GABRB3: variants seen among roughly 807,000 people sequenced by gnomAD.
The protein encoded by GABRB3 is gamma-aminobutyric acid type A receptor subunit beta3.
A neutral mutation model predicts 52.1 loss-of-function variants in GABRB3; 14 were observed. The observed-to-expected ratio is 0.27, with a 90% CI of 0.18 to 0.42. The LOEUF (loss-of-function observed/expected upper bound fraction) is 0.42. GABRB3 is among the 10% of genes least tolerant of loss of function. The pLI is 1.00. For missense variants in GABRB3, 307 were observed against 609.1 expected (o/e 0.50, Z 5.22); for synonymous variants, 260 against 232.3 (o/e 1.12, Z -1.08).
At chr15:26,723,662 C>A (rs527705343) in intron 3 of GABRB3, among the ~76,000 whole-genome samples, 40 of 152,234 alleles carry the variant, frequency 2.6e-4, no homozygotes, top group African/African-American at 9.6e-4. Context: ...TGACTCTGTC[C>A]GTTGGAAACC....
In GABRB3 at chr15:26,766,826, G is replaced by GA. The variant is rs1394990098; in HGVS notation, c.240+5575dup. Among the ~76,000 whole-genome samples, 7 of 152,080 alleles carry GA rather than the reference G, an allele frequency of 4.6e-5. 1 individual carries two copies. The South Asian group carries it at 1.3e-3, about 27-fold the overall frequency. On this transcript the variant is annotated intron_variant, in intron 3 of 8. Coordinates refer to ENST00000311550, the MANE Select transcript of GABRB3 (RefSeq NM_000814.6). ...AAAGACAACATACCATAAGATCCTAGAGCCCAGCACGGGCTCAAGCAAGAG... is the reference window on the plus strand; with the variant it reads ...AAAGACAACATACCATAAGATCCTAGAAGCCCAGCACGGGCTCAAGCAAGAG...
intron 3 of GABRB3, among the ~76,000 whole-genome samples, chr15:26,672,237 C>T (rs1190123091): frequency 6.6e-6 from 1 of 152,088 alleles, no homozygotes; most frequent in Non-Finnish European, 1.5e-5. Flanking sequence ...CTCATTTTTG[C>T]CCAGAAAAGG....
intron 4 of GABRB3, chr15:26,615,968 C>A: frequency 7.8e-7 from 1 of 1,289,136 alleles, no homozygotes; most frequent in South Asian, 1.2e-5. Context: ...ACAGCAGGAA[C>A]AACCCCAGCT....
At chr15:26,661,996 A>T (rs1887567550) in intron 3 of GABRB3, among the ~76,000 whole-genome samples, 1 of 152,216 alleles carries the variant, frequency 6.6e-6, no homozygotes, top group African/African-American at 2.4e-5. Context: ...CAGCCGAGAT[A>T]GTCAAATTAA....
chr15:26,593,462 A>G (rs1299266000), intron 4 of GABRB3, among the ~76,000 whole-genome samples: 3 of 152,156 alleles, frequency 2.0e-5, no homozygotes, highest in African/African-American at 7.2e-5. Flanking sequence ...TTAAACAATA[A>G]CATCGATTAC....
At chr15:26,639,158 T>C (rs1893132647) in intron 3 of GABRB3, among the ~76,000 whole-genome samples, 1 of 152,106 alleles carries the variant, frequency 6.6e-6, no homozygotes, top group Admixed American at 6.6e-5. Flanking sequence ...AGGACCTGCC[T>C]TCATCCAGGA....
intron 3 of GABRB3, among the ~76,000 whole-genome samples, chr15:26,667,674 C>CA (rs981738997): frequency 1.7e-4 from 26 of 152,338 alleles, no homozygotes; most frequent in Non-Finnish European, 3.2e-4. Context: ...CTCAGGCACT[C>CA]ATTCCCAGAG....
chr15:26,564,789 A>G (rs950244593), intron 7 of GABRB3, among the ~76,000 whole-genome samples: 4 of 152,334 alleles, frequency 2.6e-5, no homozygotes, highest in Non-Finnish European at 2.9e-5. Flanking sequence ...CCTCAATAAT[A>G]AGAGTTCATA....
intron 3 of GABRB3, among the ~76,000 whole-genome samples, chr15:26,639,137 G>C (rs1000349901): frequency 2.0e-5 from 3 of 152,086 alleles, no homozygotes; most frequent in African/African-American, 7.2e-5. Context: ...TCTGAGGATG[G>C]CCTCAGCATG....
At chr15:26,578,278 A>G (rs190652215) in intron 6 of GABRB3, among the ~76,000 whole-genome samples, 479 of 152,364 alleles carry the variant, frequency 3.1e-3, no homozygotes, top group Non-Finnish European at 5.2e-3. Context: ...GAATAACTTT[A>G]AAGTGCAAGC....
chr15:26,577,423 G>C (rs1177194391), intron 6 of GABRB3, among the ~76,000 whole-genome samples: 2 of 152,118 alleles, frequency 1.3e-5, no homozygotes, highest in East Asian at 1.9e-4. Context: ...TGAGGCAGGA[G>C]AATCGCTTGA....
chr15:26,679,698 TC>T (rs1055071245), intron 3 of GABRB3, among the ~76,000 whole-genome samples: 3 of 151,850 alleles, frequency 2.0e-5, no homozygotes, highest in Admixed American at 1.3e-4. Flanking sequence ...TCTCACTGCT[TC>T]CAGAAAGCTT....
At chr15:26,619,866 ACAC>A (rs1892411688) in intron 4 of GABRB3, among the ~76,000 whole-genome samples, 1 of 151,598 alleles carries the variant, frequency 6.6e-6, no homozygotes, top group Non-Finnish European at 1.5e-5. Context: ...CACACCACAC[ACAC>A]ATCCACAATG....
At chr15:26,760,962 A>G (rs1195144149) in intron 3 of GABRB3, among the ~76,000 whole-genome samples, 6 of 152,190 alleles carry the variant, frequency 3.9e-5, no homozygotes, top group African/African-American at 1.2e-4. Context: ...CAGGTCCCAG[A>G]GAGGCCTCTG....
intron 6 of GABRB3, among the ~76,000 whole-genome samples, chr15:26,571,257 C>G (rs1167521937): frequency 1.3e-5 from 2 of 152,154 alleles, no homozygotes; most frequent in Non-Finnish European, 2.9e-5. Flanking sequence ...TTGGCTTATG[C>G]TACAGTAACA....
rs140762171 is a variant in GABRB3 at position 26,558,441 on chromosome 15, A to T, written c.1080+2491T>A. Among the ~76,000 whole-genome samples, 792 of 152,312 alleles carry T rather than the reference A, an allele frequency of 5.2e-3. 6 individuals are homozygous for T. Among genetic ancestry groups the T allele is most frequent in the African/African-American group, 0.018 (765 of 41,570 alleles). ...GAGGTGTGGACCCATAAAGGCATGGAGGGCACAGGATAGAGCAAGAAAACC... is the reference window on the plus strand; with the variant it reads ...GAGGTGTGGACCCATAAAGGCATGGTGGGCACAGGATAGAGCAAGAAAACC... On this transcript the variant is annotated intron_variant, in intron 8 of 8. Transcript: ENST00000311550.
rs189941248 is a variant in GABRB3, at chr15:26,763,299, A to C, written c.240+9103T>G. On this transcript the variant is annotated intron_variant, in intron 3 of 8. Transcript: ENST00000311550. ...CAAGTTCACAGGGATCTTCATGTTTAAAGTTACGGTTAATTTTTATGGGCT... is the reference window on the plus strand; with the variant it reads ...CAAGTTCACAGGGATCTTCATGTTTCAAGTTACGGTTAATTTTTATGGGCT... 2.0e-5 allele frequency among the ~76,000 whole-genome samples: 3 copies of C among 152,312 alleles called. No individual in the cohort carries two copies. The East Asian group carries it at 5.8e-4, about 29-fold the overall frequency.
intron 3 of GABRB3, among the ~76,000 whole-genome samples, chr15:26,675,817 C>G (rs1888050297): frequency 6.6e-6 from 1 of 152,126 alleles, no homozygotes; most frequent in African/African-American, 2.4e-5. Context: ...GATCAAACAC[C>G]ACCAGGCAGA....
In GABRB3 at chr15:26,583,547, T is replaced by A. The variant is rs769231048; in HGVS notation, c.462-133A>T. 18 of 685,654 alleles carry A rather than the reference T, an allele frequency of 2.6e-5. No homozygotes were observed. The South Asian group carries it at 2.7e-4, about 10-fold the overall frequency. 42.5% of individuals were successfully genotyped at this position (685,654 alleles called of 1,614,324 possible). ...ACGCCTGGCTAAACATCATTCACTA[T>A]ATATAGAGAGAAACTTGAGTAAATA... On this transcript the variant is annotated intron_variant, in intron 4 of 8. Transcript: ENST00000311550.
Sources: gnomAD v4.1 joint callset for allele counts (sites outside exome capture counted in the v4.1 genomes callset) on GRCh38, gnomAD v4.1.1 for gene constraint, MANE v1.5 for transcripts, NCBI Gene and HGNC (gene_info 2026-07-23, HGNC 2026-07-21) for gene names.